Variants in ADGRV1 observed in about 807,000 individuals in gnomAD.
ADGRV1 encodes G-protein coupled receptor 98.
A neutral mutation model predicts 596.2 loss-of-function variants in ADGRV1; 359 were observed. That is an observed-to-expected ratio of 0.60 (90% CI 0.55 to 0.66). ADGRV1 has a LOEUF of 0.66. Among genes scored for constraint, ADGRV1 ranks in the 30% least tolerant of loss-of-function variants. The pLI, the probability that ADGRV1 is intolerant of heterozygous loss-of-function variation, is 0.00. For missense variants in ADGRV1, 7,274 were observed against 7,575.6 expected, an observed-to-expected ratio of 0.96 and a Z score of 1.48; for synonymous variants, 2,681 against 2,679.2, an observed-to-expected ratio of 1.00 and a Z score of -0.02.
intron 86 of ADGRV1, among the ~76,000 whole-genome samples, chr5:91,094,095 G>A (rs1582036772): frequency 6.6e-6 from 1 of 151,892 alleles, no homozygotes. Context: ...CCAGTGATCT[G>A]CCAGCCTCCA....
intron 59 of ADGRV1, among the ~76,000 whole-genome samples, chr5:90,769,601 TC>T (rs1205761238): frequency 6.6e-6 from 1 of 152,224 alleles, no homozygotes; most frequent in Non-Finnish European, 1.5e-5. Flanking sequence ...GATTAAATTT[TC>T]TGCAGTTTGA....
chr5:91,080,159 C>T (rs772882729), intron 86 of ADGRV1, among the ~76,000 whole-genome samples: 2 of 152,104 alleles, frequency 1.3e-5, no homozygotes, highest in African/African-American at 2.4e-5. Context: ...ATGTCCATCA[C>T]CTTGAATATT....
intron 85 of ADGRV1, among the ~76,000 whole-genome samples, chr5:90,996,769 G>A (rs1781453711): frequency 6.6e-6 from 1 of 152,222 alleles, no homozygotes; most frequent in South Asian, 2.1e-4. Context: ...AGAGCACAGG[G>A]TCAGAGCTGA....
chr5:90,681,542 T>A, intron 27 of ADGRV1, 88 bp downstream of exon 27: 1 of 1,292,420 alleles, frequency 7.7e-7, no homozygotes, highest in Non-Finnish European at 1.0e-6. Flanking sequence ...TATGCTTTCC[T>A]TTTTTTGTGT....
intron 87 of ADGRV1, among the ~76,000 whole-genome samples, chr5:91,140,686 GT>G (rs1326035451): frequency 6.6e-6 from 1 of 152,144 alleles, no homozygotes; most frequent in Non-Finnish European, 1.5e-5. Flanking sequence ...ACTTCGGAAA[GT>G]TTTTAAATCT....
In ADGRV1 at chr5:90,637,814, G is replaced by T. The variant is rs749630454; in HGVS notation, c.2106G>T (p.Val702=). Reference sequence around the variant, plus strand: ...CCTCTGGCTTTAATTCAAAAGCAGTGACCCCGGATGATATAGGCCCCTTTA... The same window carrying T: ...CCTCTGGCTTTAATTCAAAAGCAGTTACCCCGGATGATATAGGCCCCTTTA... ...LKPSGFNSKA[V]TPDDIGPFNG... Residue 702 remains valine, a synonymous_variant, in exon 11 of 90, where the codon GTG becomes GTT. Transcript: ENST00000405460. 8 of 1,613,534 alleles carry T rather than the reference G, an allele frequency of 5.0e-6. No individual in the cohort carries two copies. In the Admixed American group the frequency reaches 1.3e-4, roughly 27 times the overall value.
chr5:90,915,630 G>T (rs766485348), intron 83 of ADGRV1, among the ~76,000 whole-genome samples: 2 of 152,142 alleles, frequency 1.3e-5, no homozygotes, highest in Non-Finnish European at 2.9e-5. Context: ...TACACATCAA[G>T]TTCTAAAATT....
At chr5:90,591,746 G>A (rs1759534829) in intron 1 of ADGRV1, among the ~76,000 whole-genome samples, 1 of 152,134 alleles carries the variant, frequency 6.6e-6, no homozygotes, top group Admixed American at 6.6e-5. Context: ...TCTTTTAGTA[G>A]CTATGGTTTT....
chr5:90,680,127 A>C (rs1744745965), intron 26 of ADGRV1, among the ~76,000 whole-genome samples: 1 of 152,180 alleles, frequency 6.6e-6, no homozygotes, highest in South Asian at 2.1e-4. Context: ...AGGCGGGCTG[A>C]TCACCTGAGC....
rs767868527 is a variant in ADGRV1, at chr5:90,745,587, G to T, written c.10770-4G>T. 4 of 1,597,856 alleles carry T rather than the reference G, an allele frequency of 2.5e-6. No homozygotes were observed. Among genetic ancestry groups the T allele is most frequent in the African/African-American group, 1.3e-5 (1 of 74,446 alleles). On this transcript the variant is annotated splice_polypyrimidine_tract_variant and splice_region_variant and intron_variant, in intron 51 of 89. Transcript: ENST00000405460. Reference sequence around the variant, plus strand: ...ACTTATTTTGTATATGCTTCTTATGGTAGTTCAGGTGAACTGATATTTGAA... The same window carrying T: ...ACTTATTTTGTATATGCTTCTTATGTTAGTTCAGGTGAACTGATATTTGAA...
rs770486750 is a variant in ADGRV1, at chr5:90,683,761, T to C, written c.5840T>C (p.Phe1947Ser). The change falls in exon 28 of 90, where the codon TTC becomes TCC. Residue 1947 changes from phenylalanine to serine, a missense_variant. This residue lies in a region of ADGRV1 where 3,643 missense variants were observed against 3,809.2 expected (regional missense o/e 0.96). Transcript: ENST00000405460. ...GAAGACCCAGAACTGGATAAGGCAT[T>C]CTCTGTGTCAGTCCTCAGTGTTTCC... ...PDEDPELDKAFSVSVLSVSSG... is the reference protein window; with the variant it reads ...PDEDPELDKASSVSVLSVSSG... The C allele has an allele frequency of 1.9e-6, 3 of 1,613,864 alleles. No individual in the cohort carries two copies. The Admixed American group carries it at 5.0e-5, about 27-fold the overall frequency.
intron 27 of ADGRV1, among the ~76,000 whole-genome samples, 159 bp downstream of exon 27, chr5:90,681,613 T>C (rs1389867844): frequency 2.0e-5 from 3 of 152,240 alleles, no homozygotes; most frequent in Admixed American, 2.0e-4. Flanking sequence ...AACAGTCGTT[T>C]GGCATTTATT....
At chr5:90,919,096 T>C (rs539310211) in intron 83 of ADGRV1, among the ~76,000 whole-genome samples, 28 of 152,362 alleles carry the variant, frequency 1.8e-4, no homozygotes, top group African/African-American at 6.5e-4. Context: ...TCCTCAGATA[T>C]CAAATCCAAA....
At chr5:91,093,893 C>A (rs1790604994) in intron 86 of ADGRV1, among the ~76,000 whole-genome samples, 1 of 150,220 alleles carries the variant, frequency 6.7e-6, no homozygotes, top group Non-Finnish European at 1.5e-5. Context: ...ACTGTGTCAC[C>A]CAGGCTGGAG....
At chr5:90,949,761 CA>C (rs946643790) in intron 83 of ADGRV1, among the ~76,000 whole-genome samples, 15 of 151,196 alleles carry the variant, frequency 9.9e-5, no homozygotes, top group Admixed American at 4.6e-4. Context: ...CAGAAAGAAG[CA>C]AAAAAAATAA....
intron 83 of ADGRV1, among the ~76,000 whole-genome samples, chr5:90,922,772 C>T (rs1480188236): frequency 1.3e-5 from 2 of 152,216 alleles, no homozygotes. Context: ...GAATTAGCAT[C>T]TGCATTTGTA....
intron 39 of ADGRV1, 122 bp downstream of exon 39, chr5:90,709,031 A>G: frequency 3.2e-6 from 2 of 619,376 alleles, no homozygotes; most frequent in South Asian, 5.1e-5. Context: ...TTAAAATATG[A>G]TGGGCTTTTA....
At chr5:90,791,402 C>T (rs1760063942) in intron 70 of ADGRV1, 56 bp downstream of exon 70, 1 of 1,207,306 alleles carries the variant, frequency 8.3e-7, no homozygotes, top group Admixed American at 2.5e-5. Flanking sequence ...TTCAGGAGTG[C>T]CCATGCTTAC....
chr5:90,781,556 C>T lies in ADGRV1; in HGVS notation c.13209C>T (p.Asp4403=). ...ACGCAGAAGGCATCATTGAATTTGA[C>T]CCAAAGTATACTGCCTTCGAAGGTA... The part of the protein sequence containing the change: ...NDNAEGIIEF[D]PKYTAFEVEE... Residue 4403 remains aspartate (D), a synonymous_variant, in exon 65 of 90, where the codon GAC becomes GAT. Coordinates refer to ENST00000405460, the MANE Select transcript of ADGRV1 (RefSeq NM_032119.4). The T allele has an allele frequency of 6.2e-7, 1 of 1,610,086 alleles. No homozygotes were observed. The highest frequency in any genetic ancestry group is 1.3e-5 in the African/African-American group (1 of 74,916).
Sources: gnomAD v4.1 joint callset for allele counts (sites outside exome capture counted in the v4.1 genomes callset) on GRCh38, gnomAD v4.1.1 for gene constraint, gnomAD v4.1.1 regional missense constraint, MANE v1.5 for transcripts, NCBI Gene and HGNC (gene_info 2026-07-23, HGNC 2026-07-21) for gene names.